The following ENPP6 variants were observed in gnomAD, a reference collection of about 807,000 sequenced individuals.
ENPP6 encodes glycerophosphocholine cholinephosphodiesterase ENPP6.
Under a neutral mutation model 42.0 loss-of-function variants are expected in ENPP6, and 32 were observed. That is an observed-to-expected ratio of 0.76 (90% CI 0.58 to 1.02). The LOEUF (loss-of-function observed/expected upper bound fraction) is 1.02. Ranked by LOEUF, ENPP6 falls within the 50% of genes least tolerant of loss-of-function variation. The probability of loss-of-function intolerance (pLI) is 0.00; values close to 1 mark genes in which losing one functional copy is unlikely to be tolerated. For missense variants in ENPP6, 552 were observed against 566.8 expected (o/e 0.97, Z 0.27); for synonymous variants, 213 against 216.0 (o/e 0.99, Z 0.12).
intron 2 of ENPP6, among the ~76,000 whole-genome samples, chr4:184,132,329 A>G (rs1332060821): frequency 1.3e-5 from 2 of 152,018 alleles, no homozygotes; most frequent in Non-Finnish European, 2.9e-5. Flanking sequence ...GTGTCTTTAC[A>G]TATGTTTATT....
intron 1 of ENPP6, among the ~76,000 whole-genome samples, chr4:184,161,886 G>A (rs1373759219): frequency 3.9e-5 from 6 of 152,278 alleles, no homozygotes; most frequent in African/African-American, 1.4e-4. Flanking sequence ...TGGGGGAAAG[G>A]GTGGGAGGGG....
intron 2 of ENPP6, among the ~76,000 whole-genome samples, chr4:184,145,781 A>G (rs1736907727): frequency 6.6e-6 from 1 of 152,228 alleles, no homozygotes. Flanking sequence ...GCTGAGGGCA[A>G]GTGAATGCAG....
intron 2 of ENPP6, among the ~76,000 whole-genome samples, chr4:184,127,777 C>T (rs919308152): frequency 6.6e-6 from 1 of 152,044 alleles, no homozygotes; most frequent in Non-Finnish European, 1.5e-5. Context: ...TTTAAAAAAT[C>T]GTTAAGCCTA....
At chr4:184,091,687 G>A (rs547088956) in intron 7 of ENPP6, among the ~76,000 whole-genome samples, 1 of 152,266 alleles carries the variant, frequency 6.6e-6, no homozygotes, top group Admixed American at 6.5e-5. Context: ...AGGGAGGATT[G>A]CCTGAGCCCA....
chr4:184,155,994 A>G (rs1737153898), intron 1 of ENPP6, among the ~76,000 whole-genome samples: 1 of 152,120 alleles, frequency 6.6e-6, no homozygotes, highest in Non-Finnish European at 1.5e-5. Flanking sequence ...GTGTGTGTGC[A>G]TGCATGCACA....
In ENPP6 at chr4:184,153,719, C is replaced by A; in HGVS notation, c.256G>T (p.Val86Phe). The change falls in exon 2 of 8, where the codon GTC (valine) becomes TTC (phenylalanine). Residue 86 changes from valine to phenylalanine, a missense_variant. Physicochemically the swap from Val to Phe is conservative, Grantham distance 50. Coordinates refer to ENST00000296741, the MANE Select transcript of ENPP6 (RefSeq NM_153343.4). ...ATGTAGTTCCCGATCATCTGATGGA[C>A]TTCACAATGGCGGCCTATGTCAATG... ...YTLMTGRHCE[V>F]HQMIGNYMWD... is the part of the protein sequence containing the mutation. 1 of 1,613,952 alleles carries A rather than the reference C, an allele frequency of 6.2e-7. No homozygotes were observed. The highest frequency in any genetic ancestry group is 8.5e-7 in the Non-Finnish European group (1 of 1,179,926).
chr4:184,163,797 G>C (rs994623539), intron 1 of ENPP6, among the ~76,000 whole-genome samples: 2 of 152,226 alleles, frequency 1.3e-5, no homozygotes, highest in Non-Finnish European at 2.9e-5. Context: ...GTGTCTACCA[G>C]AGATCAAAAC....
intron 1 of ENPP6, among the ~76,000 whole-genome samples, chr4:184,176,965 G>A (rs9312322): frequency 0.041 from 6,200 of 152,156 alleles, 400 homozygotes; most frequent in African/African-American, 0.13. Flanking sequence ...GCTACCCTGC[G>A]CGGGAAACCA....
At position 184,114,124 on chromosome 4, in the gene ENPP6, C is replaced by A. The variant is rs975806218; in HGVS notation, c.856-1315G>T. Among the ~76,000 whole-genome samples the A allele has an allele frequency of 5.9e-4, 90 of 152,180 alleles. 2 individuals are homozygous for A. The highest frequency in any genetic ancestry group is 1.9e-3 in the South Asian group (9 of 4,808). ...GGAACTACAGGCACCCACTGCTACA[C>A]CCAGCTAATTTTTGTATTTTTAGTA... On this transcript the variant is annotated intron_variant, in intron 5 of 7. Transcript: ENST00000296741.
At chr4:184,164,613 T>A (rs935446495) in intron 1 of ENPP6, among the ~76,000 whole-genome samples, 1 of 152,120 alleles carries the variant, frequency 6.6e-6, no homozygotes, top group Non-Finnish European at 1.5e-5. Context: ...GCACGCCCCA[T>A]CCACACCTTA....
At chr4:184,163,142 T>C (rs1737293858) in intron 1 of ENPP6, among the ~76,000 whole-genome samples, 1 of 152,176 alleles carries the variant, frequency 6.6e-6, no homozygotes, top group South Asian at 2.1e-4. Context: ...GTCGATCACT[T>C]GGGCAAGGAT....
At chr4:184,163,232 C>T (rs1028245407) in intron 1 of ENPP6, among the ~76,000 whole-genome samples, 8 of 152,204 alleles carry the variant, frequency 5.3e-5, no homozygotes, top group Admixed American at 2.0e-4. Flanking sequence ...ATCACACATT[C>T]TCAGGAATGG....
chr4:184,171,260 C>T (rs1561000434), intron 1 of ENPP6, among the ~76,000 whole-genome samples: 1 of 152,246 alleles, frequency 6.6e-6, no homozygotes. Context: ...TCAGCAGCTG[C>T]ATCCACCTGT....
chr4:184,152,142 T>C (rs973233993), intron 2 of ENPP6, among the ~76,000 whole-genome samples: 9 of 152,126 alleles, frequency 5.9e-5, no homozygotes, highest in Admixed American at 2.6e-4. Flanking sequence ...CACCTGCGGG[T>C]GAGGCCACTG....
intron 3 of ENPP6, among the ~76,000 whole-genome samples, chr4:184,122,629 C>T (rs1178260646): frequency 3.3e-5 from 5 of 152,234 alleles, no homozygotes; most frequent in African/African-American, 1.2e-4. Flanking sequence ...CTGGGATTCT[C>T]ATGGCTGTGT....
chr4:184,091,469 G>A (rs999257029), intron 7 of ENPP6, 87 bp from the exon 8 acceptor site: 2 of 1,261,476 alleles, frequency 1.6e-6, no homozygotes, highest in Non-Finnish European at 2.2e-6. Flanking sequence ...TTACATTCAG[G>A]CTGCAGGTGA....
intron 1 of ENPP6, among the ~76,000 whole-genome samples, chr4:184,164,617 CA>C (rs1404862736): frequency 6.6e-6 from 1 of 152,200 alleles, no homozygotes; most frequent in Non-Finnish European, 1.5e-5. Context: ...GCCCCATCCA[CA>C]CCTTAATTTC....
chr4:184,138,411 C>CA (rs955319189), intron 2 of ENPP6, among the ~76,000 whole-genome samples: 3 of 152,192 alleles, frequency 2.0e-5, no homozygotes, highest in Admixed American at 6.5e-5. Flanking sequence ...AATTAAAAAG[C>CA]AAGCACTGGA....
At chr4:184,120,836 G>A (rs769325858) in intron 3 of ENPP6, among the ~76,000 whole-genome samples, 10 of 152,170 alleles carry the variant, frequency 6.6e-5, no homozygotes, top group South Asian at 2.1e-4. Flanking sequence ...ACTCCCTGTC[G>A]CTGTCTCAAT....
Sources: gnomAD v4.1 joint callset for allele counts (sites outside exome capture counted in the v4.1 genomes callset) on GRCh38, gnomAD v4.1.1 for gene constraint, MANE v1.5 for transcripts, NCBI Gene and HGNC (gene_info 2026-07-23, HGNC 2026-07-21) for gene names.